Variants in SPAG16 observed in about 807,000 individuals in gnomAD.
SPAG16 encodes sperm associated antigen 16.
Under a neutral mutation model 80.4 loss-of-function variants are expected in SPAG16, and 86 were observed. The ratio of observed to expected loss-of-function variants is 1.07; its 90% CI spans 0.90 to 1.28. The LOEUF (loss-of-function observed/expected upper bound fraction) is 1.28. SPAG16 is among the 50% of genes most tolerant of loss of function. The probability of loss-of-function intolerance (pLI) is 0.00; values close to 1 mark genes in which losing one functional copy is unlikely to be tolerated. For synonymous variants in SPAG16, 294 were observed against 265.9 expected, an observed-to-expected ratio of 1.11 and a Z score of -1.03; for missense variants, 870 against 765.3, an observed-to-expected ratio of 1.14 and a Z score of -1.61.
At chr2:213,761,897 CA>C (rs11307655) in intron 10 of SPAG16, among the ~76,000 whole-genome samples, 72,837 of 150,494 alleles carry the variant, frequency 0.48, 18,274 homozygotes, top group Non-Finnish European at 0.56. Flanking sequence ...AAAAACAAAA[CA>C]AAAAAAAACC....
At chr2:214,296,438 T>C (rs1694136924) in intron 15 of SPAG16, among the ~76,000 whole-genome samples, 1 of 152,190 alleles carries the variant, frequency 6.6e-6, no homozygotes, top group Non-Finnish European at 1.5e-5. Flanking sequence ...CAAATAGTAG[T>C]TCTATTTTTA....
At chr2:213,824,222 T>G (rs2073129924) in intron 10 of SPAG16, among the ~76,000 whole-genome samples, 1 of 152,192 alleles carries the variant, frequency 6.6e-6, no homozygotes, top group Non-Finnish European at 1.5e-5. Flanking sequence ...CAGATCATTA[T>G]AGATGTGTGG....
intron 15 of SPAG16, among the ~76,000 whole-genome samples, chr2:214,397,777 T>A (rs970574054): frequency 4.6e-5 from 7 of 152,202 alleles, no homozygotes; most frequent in African/African-American, 1.7e-4. Flanking sequence ...ACAATGTGGC[T>A]TATTATTTCT....
intron 5 of SPAG16, among the ~76,000 whole-genome samples, chr2:213,329,147 A>C (rs2063969593): frequency 6.6e-6 from 1 of 152,202 alleles, no homozygotes; most frequent in Admixed American, 6.5e-5. Context: ...CAGCAGTGTG[A>C]AAATGGATTA....
intron 10 of SPAG16, among the ~76,000 whole-genome samples, chr2:213,572,762 C>G (rs1482746047): frequency 1.3e-5 from 2 of 152,102 alleles, no homozygotes; most frequent in Non-Finnish European, 2.9e-5. Flanking sequence ...GTGGTGGGCT[C>G]TACCCAGTTC....
At chr2:213,848,006 T>C (rs2074717191) in intron 10 of SPAG16, among the ~76,000 whole-genome samples, 2 of 152,182 alleles carry the variant, frequency 1.3e-5, no homozygotes, top group Admixed American at 1.3e-4. Flanking sequence ...GTAATTTGAG[T>C]TATTTATTAA....
At chr2:213,562,359 G>T (rs2059621087) in intron 10 of SPAG16, among the ~76,000 whole-genome samples, 1 of 152,138 alleles carries the variant, frequency 6.6e-6, no homozygotes, top group African/African-American at 2.4e-5. Context: ...AGTAGCCATA[G>T]AACAGTTCAT....
chr2:213,750,881 A>G (rs897455188), intron 10 of SPAG16, among the ~76,000 whole-genome samples: 1 of 152,210 alleles, frequency 6.6e-6, no homozygotes, highest in Non-Finnish European at 1.5e-5. Flanking sequence ...TCATCATAAC[A>G]GCTTCCTAAT....
intron 10 of SPAG16, among the ~76,000 whole-genome samples, chr2:213,756,628 G>GA (rs1186620004): frequency 2.0e-5 from 3 of 152,306 alleles, no homozygotes; most frequent in Non-Finnish European, 4.4e-5. Flanking sequence ...GCAAATACCA[G>GA]ACTTTTCCAA....
chr2:214,068,099 G>A (rs1173885440), intron 13 of SPAG16, among the ~76,000 whole-genome samples: 1 of 151,976 alleles, frequency 6.6e-6, no homozygotes, highest in African/African-American at 2.4e-5. Context: ...AACTATCACT[G>A]GCTCCTAAGA....
At chr2:213,608,012 T>C (rs1024364499) in intron 10 of SPAG16, among the ~76,000 whole-genome samples, 2 of 152,208 alleles carry the variant, frequency 1.3e-5, no homozygotes, top group African/African-American at 2.4e-5. Context: ...AAGTATAATT[T>C]TTTTTATAAT....
At chr2:213,792,306 T>C (rs967502302) in intron 10 of SPAG16, among the ~76,000 whole-genome samples, 2 of 152,204 alleles carry the variant, frequency 1.3e-5, no homozygotes, top group Admixed American at 1.3e-4. Context: ...TGAAGTTCTG[T>C]TTTCTCATAA....
At chr2:213,477,542 A>T (rs113001489) in intron 9 of SPAG16, among the ~76,000 whole-genome samples, 3,539 of 152,310 alleles carry the variant, frequency 0.023, 57 homozygotes, top group South Asian at 0.038. Flanking sequence ...AAAGGAGATG[A>T]TTTTGGAACT....
chr2:214,199,213 C>T (rs1347590615), intron 15 of SPAG16, among the ~76,000 whole-genome samples: 1 of 152,100 alleles, frequency 6.6e-6, no homozygotes, highest in Admixed American at 6.6e-5. Context: ...CCGATGTTAA[C>T]TTCTAGAAGT....
intron 12 of SPAG16, among the ~76,000 whole-genome samples, chr2:213,933,096 T>A (rs2078838763): frequency 6.6e-6 from 1 of 152,084 alleles, no homozygotes; most frequent in Admixed American, 6.6e-5. Flanking sequence ...ATATTCTCCC[T>A]GACCCATCCA....
chr2:213,918,582 T>C (rs2078071339), intron 11 of SPAG16, among the ~76,000 whole-genome samples: 1 of 152,192 alleles, frequency 6.6e-6, no homozygotes. Context: ...TGAGATCTGA[T>C]GGTTTTATAA....
chr2:213,637,991 T>A (rs2062435090), intron 10 of SPAG16, among the ~76,000 whole-genome samples: 1 of 152,160 alleles, frequency 6.6e-6, no homozygotes, highest in Non-Finnish European at 1.5e-5. Flanking sequence ...TTTCCTGACC[T>A]CGTGATCCGC....
chr2:214,236,587 G>C (rs775163912), intron 15 of SPAG16, among the ~76,000 whole-genome samples: 1 of 151,744 alleles, frequency 6.6e-6, no homozygotes, highest in Non-Finnish European at 1.5e-5. Context: ...AGGAGGCAGA[G>C]GTTATAGTGA....
intron 7 of SPAG16, among the ~76,000 whole-genome samples, chr2:213,355,884 A>C (rs1252696014): frequency 6.6e-6 from 1 of 152,200 alleles, no homozygotes; most frequent in East Asian, 1.9e-4. Flanking sequence ...TGCCCTGGCC[A>C]GAACTGCCAA....
Sources: gnomAD v4.1 joint callset for allele counts (sites outside exome capture counted in the v4.1 genomes callset) on GRCh38, gnomAD v4.1.1 for gene constraint, MANE v1.5 for transcripts, NCBI Gene and HGNC (gene_info 2026-07-23, HGNC 2026-07-21) for gene names.